The following GNA14 variants were observed in gnomAD, a reference collection of about 807,000 sequenced individuals.
GNA14 encodes G protein subunit alpha 14.
Under a neutral mutation model 42.0 loss-of-function variants are expected in GNA14, and 50 were observed. The ratio of observed to expected loss-of-function variants is 1.19; its 90% CI spans 0.95 to 1.51. GNA14 has a LOEUF of 1.51. GNA14 is among the 40% of genes most tolerant of loss of function. The pLI, the probability that GNA14 is intolerant of heterozygous loss-of-function variation, is 0.00. For synonymous variants in GNA14, 173 were observed against 163.1 expected, an observed-to-expected ratio of 1.06 and a Z score of -0.46; for missense variants, 473 against 446.2, an observed-to-expected ratio of 1.06 and a Z score of -0.54.
chr9:77,569,507 G>A (rs1426526714), intron 1 of GNA14, among the ~76,000 whole-genome samples: 1 of 152,146 alleles, frequency 6.6e-6, no homozygotes, highest in Non-Finnish European at 1.5e-5. Flanking sequence ...GATGGACACA[G>A]CTCCTGCTCC....
At chr9:77,550,582 T>C (rs1837776006) in intron 1 of GNA14, among the ~76,000 whole-genome samples, 1 of 152,198 alleles carries the variant, frequency 6.6e-6, no homozygotes, top group Non-Finnish European at 1.5e-5. Flanking sequence ...AACACACTCA[T>C]TATCATAAAA....
At chr9:77,595,817 G>A (rs1212181360) in intron 1 of GNA14, among the ~76,000 whole-genome samples, 2 of 152,064 alleles carry the variant, frequency 1.3e-5, no homozygotes, top group African/African-American at 4.8e-5. Context: ...AGAGAGATAA[G>A]ACGCACTCAA....
rs139642394 is a variant in GNA14, at chr9:77,596,460, G to A, written c.124+51210C>T. Among the ~76,000 whole-genome samples the A allele has an allele frequency of 3.4e-4, 51 of 150,988 alleles. 1 individual carries two copies. In the East Asian group the frequency reaches 0.01, roughly 30 times the overall value. On this transcript the variant is annotated intron_variant, in intron 1 of 6. Transcript: ENST00000341700. The stretch of plus-strand genomic sequence containing the variant: ...TCACAAAAACTCCCTTTTAACAAAG[G>A]TTCTTGCTGTACCCTACGCCTCCTC...
In GNA14 at chr9:77,425,716, C is replaced by A; in HGVS notation, c.724-1G>T. 1 of 1,587,320 alleles carries A rather than the reference C, an allele frequency of 6.3e-7. No individual in the cohort carries two copies. The highest frequency in any genetic ancestry group is 1.2e-5 in the South Asian group (1 of 86,740). On this transcript the variant is annotated splice_acceptor_variant, in intron 5 of 6. Transcript: ENST00000341700. LOFTEE classifies it high-confidence loss of function. ...AGGCTTTGCTCTCTTCCATGCGATT[C>A]TAAGTGAAAAACAAGGGACTTGGGA...
At chr9:77,488,069 A>T (rs1836691901) in intron 2 of GNA14, among the ~76,000 whole-genome samples, 1 of 152,230 alleles carries the variant, frequency 6.6e-6, no homozygotes, top group Non-Finnish European at 1.5e-5. Context: ...GTACAGGCCA[A>T]AATAGCAGTG....
At chr9:77,615,114 G>A (rs1172437654) in intron 1 of GNA14, among the ~76,000 whole-genome samples, 1 of 152,134 alleles carries the variant, frequency 6.6e-6, no homozygotes, top group Non-Finnish European at 1.5e-5. Flanking sequence ...TGGAATCAAG[G>A]CACATGGTTT....
intron 2 of GNA14, among the ~76,000 whole-genome samples, chr9:77,464,395 A>G (rs572295524): frequency 6.8e-6 from 1 of 147,466 alleles, no homozygotes; most frequent in South Asian, 2.1e-4. Context: ...GTGTGTGTTT[A>G]AATGTGGATT....
chr9:77,426,798 C>G (rs116757860), intron 5 of GNA14, among the ~76,000 whole-genome samples: 2,333 of 152,306 alleles, frequency 0.015, 58 homozygotes, highest in African/African-American at 0.053. Flanking sequence ...TAGCATTCTG[C>G]TCTTTCTCAA....
chr9:77,524,441 CAG>C (rs111378671), intron 2 of GNA14, among the ~76,000 whole-genome samples: 12 of 152,180 alleles, frequency 7.9e-5, no homozygotes, highest in African/African-American at 2.9e-4. Flanking sequence ...CTGAAAGAAA[CAG>C]AAACAAACAG....
chr9:77,547,394 C>T lies in GNA14; in HGVS notation c.125-18141G>A, dbSNP rs192221466. ...TAATTAAATATATAAAAAGGAATTC[C>T]GTTGTTACAAGAAAAAAAGAGGTAA... On this transcript the variant is annotated intron_variant, in intron 1 of 6. Transcript: ENST00000341700. Among the ~76,000 whole-genome samples, 107 of 152,188 alleles carry T rather than the reference C, an allele frequency of 7.0e-4. 2 individuals are homozygous for T. The highest frequency in any genetic ancestry group is 6.6e-3 in the South Asian group (32 of 4,822).
At chr9:77,635,187 T>C (rs1824163450) in intron 1 of GNA14, 1 of 152,126 alleles carries the variant, frequency 6.6e-6, no homozygotes, top group South Asian at 2.1e-4. Context: ...CCATTTTCCC[T>C]GAGTCCCAAA....
chr9:77,599,886 A>C (rs1272338220), intron 1 of GNA14, among the ~76,000 whole-genome samples: 1 of 152,218 alleles, frequency 6.6e-6, no homozygotes, highest in East Asian at 1.9e-4. Context: ...AAAATCTAGC[A>C]AAACAAAAAA....
intron 1 of GNA14, among the ~76,000 whole-genome samples, chr9:77,563,323 CAA>C (rs10603652): frequency 0.029 from 4,477 of 152,086 alleles, 228 homozygotes; most frequent in African/African-American, 0.1. Flanking sequence ...TCCATGGTGA[CAA>C]GAGAGTGGGT....
At chr9:77,625,448 T>C (rs1400857307) in intron 1 of GNA14, among the ~76,000 whole-genome samples, 1 of 151,618 alleles carries the variant, frequency 6.6e-6, no homozygotes, top group Non-Finnish European at 1.5e-5. Flanking sequence ...AGTTGTCAGG[T>C]TGAAATGAAG....
chr9:77,556,866 CT>C (rs781256379), intron 1 of GNA14, among the ~76,000 whole-genome samples: 119 of 152,312 alleles, frequency 7.8e-4, no homozygotes, highest in Middle Eastern at 3.4e-3. Context: ...GGAGGATGCA[CT>C]TTCTTTTTGG....
In GNA14 at chr9:77,635,678, G is replaced by T. The variant is rs370539742; in HGVS notation, c.124+11992C>A. On this transcript the variant is annotated intron_variant, in intron 1 of 6. Transcript: ENST00000341700. ...TGCATTGATGTGTATATTTACTATG[G>T]TGGCATTTGCTTTTCTGAAAGGCTG... 8.1e-4 allele frequency among the ~76,000 whole-genome samples: 124 copies of T among 152,218 alleles called. 1 individual carries two copies. In the Middle Eastern group the frequency reaches 0.01, roughly 13 times the overall value.
At chr9:77,541,594 A>G (rs1587823802) in intron 1 of GNA14, among the ~76,000 whole-genome samples, 2 of 152,170 alleles carry the variant, frequency 1.3e-5, no homozygotes, top group South Asian at 2.1e-4. Flanking sequence ...CTAAACATGG[A>G]AAGTTTTCAT....
intron 1 of GNA14, among the ~76,000 whole-genome samples, chr9:77,536,668 G>C (rs1454949996): frequency 6.6e-6 from 1 of 152,012 alleles, no homozygotes; most frequent in Non-Finnish European, 1.5e-5. Context: ...CTCTTGATTC[G>C]TTAATCTGCA....
chr9:77,520,195 G>A (rs559708196), intron 2 of GNA14, among the ~76,000 whole-genome samples: 5 of 152,036 alleles, frequency 3.3e-5, no homozygotes, highest in Middle Eastern at 3.4e-3. Flanking sequence ...TAAGCAAATC[G>A]GCCCCTGAAT....
Sources: allele counts gnomAD v4.1 joint callset (sites outside exome capture counted in the v4.1 genomes callset), GRCh38; gene constraint gnomAD v4.1.1; transcripts MANE v1.5; gene names NCBI Gene and HGNC (gene_info 2026-07-23, HGNC 2026-07-21).